The following MARCHF1 variants were observed in gnomAD, a reference collection of about 807,000 sequenced individuals.
The protein encoded by MARCHF1 is membrane associated ring-CH-type finger 1.
MARCHF1 carries 40 observed loss-of-function variants against 54.2 expected under a neutral mutation model. The observed-to-expected ratio is 0.74, with a 90% CI of 0.57 to 0.96. MARCHF1 has a LOEUF of 0.96. MARCHF1 is among the 40% of genes least tolerant of loss of function. MARCHF1 has a pLI of 0.00. For missense variants in MARCHF1, 586 were observed against 656.5 expected (o/e 0.89, Z 1.17); for synonymous variants, 236 against 236.3 (o/e 1.00, Z 0.01).
At chr4:163,682,147 G>A (rs539637266) in intron 5 of MARCHF1, among the ~76,000 whole-genome samples, 3 of 152,294 alleles carry the variant, frequency 2.0e-5, no homozygotes, top group Admixed American at 6.5e-5. Context: ...CCAAGAGACT[G>A]GCAGCATTTT....
At chr4:164,167,136 A>G (rs1043118715) in intron 1 of MARCHF1, among the ~76,000 whole-genome samples, 3 of 151,702 alleles carry the variant, frequency 2.0e-5, no homozygotes, top group African/African-American at 7.2e-5. Flanking sequence ...ATGAGACAAT[A>G]TATGTGACAA....
At chr4:163,632,652 C>T (rs978547421) in intron 5 of MARCHF1, among the ~76,000 whole-genome samples, 27 of 152,186 alleles carry the variant, frequency 1.8e-4, no homozygotes, top group African/African-American at 3.9e-4. Context: ...AACTGCAAGG[C>T]GGCAGCGAGG....
chr4:163,686,815 A>C (rs1420560025), intron 5 of MARCHF1, among the ~76,000 whole-genome samples: 1 of 152,164 alleles, frequency 6.6e-6, no homozygotes, highest in East Asian at 1.9e-4. Context: ...TAACTTTGCA[A>C]AACTTAGAAA....
chr4:164,293,053 C>A (rs777011622), intron 1 of MARCHF1, among the ~76,000 whole-genome samples: 1 of 152,058 alleles, frequency 6.6e-6, no homozygotes, highest in African/African-American at 2.4e-5. Context: ...CTCTTCTTAC[C>A]AATGATTTTT....
intron 3 of MARCHF1, among the ~76,000 whole-genome samples, chr4:163,980,425 C>T (rs1346132110): frequency 4.1e-5 from 6 of 148,138 alleles, no homozygotes; most frequent in Non-Finnish European, 7.4e-5. Context: ...TAGAAGAAAA[C>T]CTAGGCATTA....
chr4:163,798,224 C>T (rs775631559), intron 4 of MARCHF1, among the ~76,000 whole-genome samples: 1 of 152,168 alleles, frequency 6.6e-6, no homozygotes, highest in Non-Finnish European at 1.5e-5. Context: ...CTCTCTCTCT[C>T]TTCCCTCCAG....
At chr4:164,046,007 TCTTACTCATAGCAATAAGAGTAGC>T (rs1754234592) in intron 2 of MARCHF1, among the ~76,000 whole-genome samples, 1 of 152,194 alleles carries the variant, frequency 6.6e-6, no homozygotes. Flanking sequence ...AAAGAAAGTT[TCTTACTCATAGCAATAAGAGTAGC>T]CTGGGTATGA....
chr4:164,323,882 G>A (rs190395255), intron 1 of MARCHF1, among the ~76,000 whole-genome samples: 37 of 151,662 alleles, frequency 2.4e-4, no homozygotes, highest in Non-Finnish European at 4.0e-4. Flanking sequence ...GAATTAGGGG[G>A]ATTCAGAGCA....
At chr4:163,717,512 A>C (rs943766915) in intron 4 of MARCHF1, among the ~76,000 whole-genome samples, 3 of 152,150 alleles carry the variant, frequency 2.0e-5, no homozygotes, top group African/African-American at 4.8e-5. Flanking sequence ...GTATATACGC[A>C]GTAATGGGAT....
chr4:164,248,248 T>C (rs1733017796), intron 1 of MARCHF1, among the ~76,000 whole-genome samples: 1 of 152,052 alleles, frequency 6.6e-6, no homozygotes, highest in South Asian at 2.1e-4. Flanking sequence ...ATGAGTTCTT[T>C]CTGTAACTCT....
chr4:163,712,388 G>A (rs1228637966), intron 4 of MARCHF1, among the ~76,000 whole-genome samples: 2 of 152,118 alleles, frequency 1.3e-5, no homozygotes, highest in Non-Finnish European at 2.9e-5. Flanking sequence ...CAATGCATCT[G>A]TTACCTGGAG....
intron 5 of MARCHF1, among the ~76,000 whole-genome samples, chr4:163,688,472 T>C (rs1369488994): frequency 6.6e-6 from 1 of 152,220 alleles, no homozygotes; most frequent in Non-Finnish European, 1.5e-5. Flanking sequence ...TTATTGATGA[T>C]GGATCTAAAT....
At position 163,849,409 on chromosome 4, in the gene MARCHF1, C is replaced by A. The variant is rs967621470; in HGVS notation, c.111+4612G>T. Among the ~76,000 whole-genome samples, 41 of 152,072 alleles carry A rather than the reference C, an allele frequency of 2.7e-4. 1 individual carries two copies. The highest frequency in any genetic ancestry group is 8.5e-4 in the African/African-American group (35 of 41,402). ...GATGGGTATAATTTGTACTGGAAAG[C>A]CTCAACTGATATGGGTGACAGCAAA... On this transcript the variant is annotated intron_variant, in intron 4 of 9. Transcript: ENST00000514618.
chr4:164,046,816 T>C (rs1754253151), intron 2 of MARCHF1, among the ~76,000 whole-genome samples: 1 of 152,162 alleles, frequency 6.6e-6, no homozygotes, highest in South Asian at 2.1e-4. Context: ...AGTAAGGTAT[T>C]GGATGAGAAC....
At chr4:163,768,959 C>A (rs868306071) in intron 4 of MARCHF1, among the ~76,000 whole-genome samples, 1 of 152,130 alleles carries the variant, frequency 6.6e-6, no homozygotes, top group East Asian at 1.9e-4. Flanking sequence ...TACAATAATG[C>A]CGAAAATATT....
intron 1 of MARCHF1, among the ~76,000 whole-genome samples, chr4:164,279,971 A>G (rs1733985979): frequency 6.6e-6 from 1 of 151,868 alleles, no homozygotes; most frequent in Non-Finnish European, 1.5e-5. Context: ...TTTTTTAAAA[A>G]CTTCATTTTT....
intron 1 of MARCHF1, among the ~76,000 whole-genome samples, chr4:164,213,560 C>A (rs913708148): frequency 6.6e-6 from 1 of 151,738 alleles, no homozygotes; most frequent in Non-Finnish European, 1.5e-5. Flanking sequence ...AAAAATTCTA[C>A]GTAACACATT....
intron 1 of MARCHF1, among the ~76,000 whole-genome samples, chr4:164,184,261 C>G (rs912306446): frequency 6.6e-6 from 1 of 152,048 alleles, no homozygotes; most frequent in Non-Finnish European, 1.5e-5. Context: ...CTTCACTCAC[C>G]CCATTGATTA....
At position 164,242,871 on chromosome 4, in the gene MARCHF1, G is replaced by T. The variant is rs1265915138; in HGVS notation, c.-322-131209C>A. ...GCCGATGCGATCAACTGGAAGAAAG[G>T]GTATCAGCAATGGAAGATGAAATGA... On this transcript the variant is annotated intron_variant, in intron 1 of 9. Transcript: ENST00000514618. Among the ~76,000 whole-genome samples the T allele has an allele frequency of 2.7e-5, 4 of 149,248 alleles. No homozygotes were observed. The East Asian group carries it at 7.9e-4, about 30-fold the overall frequency.
Sources: gnomAD v4.1 joint callset for allele counts (sites outside exome capture counted in the v4.1 genomes callset) on GRCh38, gnomAD v4.1.1 for gene constraint, MANE v1.5 for transcripts, NCBI Gene and HGNC (gene_info 2026-07-23, HGNC 2026-07-21) for gene names.